The following SPRY3 variants were observed in gnomAD, a reference collection of about 807,000 sequenced individuals.
SPRY3 encodes the protein protein sprouty homolog 3.
A neutral mutation model predicts 20.2 loss-of-function variants in SPRY3; 15 were observed. The observed-to-expected ratio is 0.74, with a 90% CI of 0.50 to 1.14. SPRY3 has a LOEUF of 1.14. SPRY3 is among the 50% of genes most tolerant of loss of function. SPRY3 has a pLI of 0.00. For missense variants in SPRY3, 364 were observed against 363.9 expected (o/e 1.00, Z 0.00); for synonymous variants, 143 against 136.5 (o/e 1.05, Z -0.33).
chrX:155,743,466 C>A (rs916815672), intron 2 of SPRY3, among the ~76,000 whole-genome samples: 2 of 152,104 alleles, frequency 1.3e-5, no homozygotes, highest in Non-Finnish European at 1.5e-5. Flanking sequence ...CGTGGACAAC[C>A]TGGGCATGTT....
At chrX:155,673,110 T>C (rs1185677967) in intron 2 of SPRY3, among the ~76,000 whole-genome samples, 1 of 92,974 alleles carries the variant, frequency 1.1e-5, no homozygotes. Context: ...ATATACCTAA[T>C]GCTAAATGAC....
At chrX:155,739,084 G>C (rs2124571125) in intron 2 of SPRY3, among the ~76,000 whole-genome samples, 1 of 151,994 alleles carries the variant, frequency 6.6e-6, no homozygotes, top group East Asian at 1.9e-4. Flanking sequence ...CCATCTCTAT[G>C]GTTCAAGTCA....
At chrX:155,776,885 A>C (rs766039194), downstream of SPRY3, 1 of 166,920 alleles carries the variant, frequency 6.0e-6, no homozygotes, top group South Asian at 2.1e-4. Context: ...CTTCACTTAC[A>C]CCTCCTCTTC....
intron 2 of SPRY3, among the ~76,000 whole-genome samples, chrX:155,660,934 C>T (rs1444056490): frequency 9.0e-6 from 1 of 111,183 alleles, no homozygotes; most frequent in Non-Finnish European, 1.9e-5. Flanking sequence ...TAGGTGGATT[C>T]TTTTGTAAGC....
intron 2 of SPRY3, among the ~76,000 whole-genome samples, chrX:155,688,674 G>T (rs2068094717): frequency 9.1e-6 from 1 of 110,242 alleles, no homozygotes; most frequent in Admixed American, 9.6e-5. Context: ...TCAGACGCAT[G>T]TATGTCTTTT....
At chrX:155,685,832 ATCTC>A (rs1432693342) in intron 2 of SPRY3, among the ~76,000 whole-genome samples, 1 of 111,172 alleles carries the variant, frequency 9.0e-6, no homozygotes, top group Non-Finnish European at 1.9e-5. Context: ...CAGTGGCGCG[ATCTC>A]AGCTGACTGC....
chrX:155,734,322 G>C (rs2091153856), intron 2 of SPRY3, among the ~76,000 whole-genome samples: 3 of 152,012 alleles, frequency 2.0e-5, no homozygotes, highest in Admixed American at 1.3e-4. Context: ...GAGCCCTGAG[G>C]AGAAGGAAAG....
intron 2 of SPRY3, among the ~76,000 whole-genome samples, chrX:155,729,986 C>G (rs2091122825): frequency 6.6e-6 from 1 of 152,192 alleles, no homozygotes; most frequent in African/African-American, 2.4e-5. Flanking sequence ...ACACATACAA[C>G]CTACTAAGAT....
At chrX:155,638,499 AT>A (rs1265751286) in intron 1 of SPRY3, among the ~76,000 whole-genome samples, 5 of 105,652 alleles carry the variant, frequency 4.7e-5, no homozygotes, top group African/African-American at 1.4e-4. Context: ...ATTCTAATGG[AT>A]TTTTTTGGTC....
chrX:155,696,583 G>A (rs1402192156), intron 2 of SPRY3, among the ~76,000 whole-genome samples: 2 of 111,581 alleles, frequency 1.8e-5, no homozygotes, highest in African/African-American at 6.5e-5. Flanking sequence ...TAGTTGGGCA[G>A]ACAATAATTT....
intron 2 of SPRY3, among the ~76,000 whole-genome samples, chrX:155,676,166 A>T (rs1319344335): frequency 9.0e-6 from 1 of 111,441 alleles, no homozygotes; most frequent in Non-Finnish European, 1.9e-5. Flanking sequence ...GATCTAATTC[A>T]TAATTTTTCT....
At chrX:155,707,151 T>G (rs1005918504) in intron 2 of SPRY3, among the ~76,000 whole-genome samples, 1 of 151,200 alleles carries the variant, frequency 6.6e-6, no homozygotes, top group African/African-American at 2.4e-5. Flanking sequence ...TTCCAAGCAC[T>G]GCTTAAGGGG....
chrX:155,747,857 A>G (rs958922563), intron 2 of SPRY3, among the ~76,000 whole-genome samples: 2 of 151,864 alleles, frequency 1.3e-5, no homozygotes, highest in Non-Finnish European at 2.9e-5. Context: ...TTAATTTCCA[A>G]TCGGCCATGG....
chrX:155,700,712 C>T (rs2068134860), intron 2 of SPRY3, among the ~76,000 whole-genome samples: 1 of 70,261 alleles, frequency 1.4e-5, no homozygotes, highest in African/African-American at 8.1e-5. Flanking sequence ...GCTGCACCCA[C>T]TAATGTGTCA....
chrX:155,765,246 T>C (rs2091320285), intron 2 of SPRY3, among the ~76,000 whole-genome samples: 2 of 151,680 alleles, frequency 1.3e-5, no homozygotes, highest in Admixed American at 1.3e-4. Flanking sequence ...TTGCAGATGG[T>C]TGGATACTGT....
intron 2 of SPRY3, among the ~76,000 whole-genome samples, chrX:155,745,567 T>G (rs1049206124): frequency 6.6e-6 from 1 of 152,002 alleles, no homozygotes; most frequent in Non-Finnish European, 1.5e-5. Context: ...AAACAAAAAA[T>G]CATCCTTGAC....
chrX:155,614,158 A>C (rs1321535638), intron 1 of SPRY3, among the ~76,000 whole-genome samples: 3 of 112,108 alleles, frequency 2.7e-5, no homozygotes, highest in African/African-American at 9.7e-5. Flanking sequence ...ACTGTATGCC[A>C]GGCACTGTAC....
chrX:155,646,700 T>TAG (rs2124541138), intron 1 of SPRY3, among the ~76,000 whole-genome samples: 1 of 112,056 alleles, frequency 8.9e-6, no homozygotes, highest in East Asian at 2.8e-4. Flanking sequence ...CCTTCAGGGT[T>TAG]TTCTACATGT....
intron 2 of SPRY3, among the ~76,000 whole-genome samples, chrX:155,714,537 T>C (rs1224584896): frequency 6.6e-6 from 1 of 152,140 alleles, no homozygotes; most frequent in African/African-American, 2.4e-5. Context: ...TTTCTCTGTG[T>C]TGAGCCACCT....
Sources: gnomAD v4.1 joint callset for allele counts (sites outside exome capture counted in the v4.1 genomes callset) on GRCh38, gnomAD v4.1.1 for gene constraint, MANE v1.5 for transcripts, NCBI Gene and HGNC (gene_info 2026-07-23, HGNC 2026-07-21) for gene names.